Variants in SOS1 observed in about 807,000 individuals in gnomAD.
SOS1 encodes the protein SOS Ras/Rac guanine nucleotide exchange factor 1, also known as son of sevenless homolog 1.
In SOS1, 25 loss-of-function variants were observed where a neutral mutation model predicts 157.6. The ratio of observed to expected loss-of-function variants is 0.16; its 90% CI spans 0.12 to 0.22. The LOEUF (loss-of-function observed/expected upper bound fraction) is 0.22, where lower values mean the gene tolerates loss of function less well. SOS1 is among the 10% of genes least tolerant of loss of function. SOS1 has a pLI of 1.00. For missense variants in SOS1, 1,237 were observed against 1,599.1 expected, an observed-to-expected ratio of 0.77 and a Z score of 3.86; for synonymous variants, 528 against 534.0, an observed-to-expected ratio of 0.99 and a Z score of 0.16.
At chr2:39,081,907 C>T (rs972603302) in intron 1 of SOS1, among the ~76,000 whole-genome samples, 12 of 151,650 alleles carry the variant, frequency 7.9e-5, no homozygotes, top group African/African-American at 2.2e-4. Context: ...TTTGGTAAAA[C>T]CAATTTTTAA....
Position 39,007,291 on chromosome 2 carries a change from G to C in SOS1, c.2511-98C>G, listed in dbSNP as rs41280637. ...AAATAAAATAATGTAGAGAGTAGGGGGGTGGCGATAGTATAACTACTATAG... is the reference window on the plus strand; with the variant it reads ...AAATAAAATAATGTAGAGAGTAGGGCGGTGGCGATAGTATAACTACTATAG... On this transcript the variant is annotated intron_variant, in intron 15 of 22. Coordinates refer to ENST00000402219, the MANE Select transcript of SOS1 (RefSeq NM_005633.4). 0.018 allele frequency: 14,880 copies of C among 810,916 alleles called. 206 individuals are homozygous for C. Among genetic ancestry groups the C allele is most frequent in the Middle Eastern group, 0.032 (92 of 2,882 alleles). The allele number at this position is 810,916 out of a possible 1,614,324, so 50.2% of individuals were successfully genotyped here. A position where few individuals can be genotyped will look rare whatever the true frequency, so the allele number is the denominator to read the frequency against.
chr2:39,033,184 C>A (rs1006301241), intron 8 of SOS1, among the ~76,000 whole-genome samples: 20 of 145,582 alleles, frequency 1.4e-4, no homozygotes, highest in Non-Finnish European at 2.4e-4. Context: ...GATTCTCCTG[C>A]CTCAGCTTCC....
At chr2:39,122,537 G>A (rs1295054136), upstream of SOS1, among the ~76,000 whole-genome samples, 1 of 152,044 alleles carries the variant, frequency 6.6e-6, no homozygotes, top group African/African-American at 2.4e-5. Flanking sequence ...GGGAGGCCGA[G>A]GTGGGCGGAC....
chr2:39,080,871 G>C (rs1171056633), intron 1 of SOS1, among the ~76,000 whole-genome samples: 1 of 152,068 alleles, frequency 6.6e-6, no homozygotes, highest in East Asian at 1.9e-4. Context: ...TGATAGGCTA[G>C]CTAAAATACA....
chr2:39,043,873 G>A (rs1670661759), intron 6 of SOS1, among the ~76,000 whole-genome samples: 2 of 152,088 alleles, frequency 1.3e-5, no homozygotes, highest in African/African-American at 4.8e-5. Context: ...TAAAATATGG[G>A]GACACATTGA....
chr2:39,054,890 G>A, intron 4 of SOS1, 67 bp from the exon 5 acceptor site: 1 of 863,824 alleles, frequency 1.2e-6, no homozygotes, highest in Non-Finnish European at 1.9e-6. Flanking sequence ...GATGTGAAAT[G>A]CTCTAAGTTC....
intron 2 of SOS1, among the ~76,000 whole-genome samples, chr2:39,066,875 C>T (rs1377862): frequency 0.47 from 71,861 of 151,940 alleles, 19,122 homozygotes; most frequent in East Asian, 0.67. Flanking sequence ...TGGACATATG[C>T]CACTCCTAAA....
intron 17 of SOS1, among the ~76,000 whole-genome samples, chr2:39,003,514 A>G (rs957580823): frequency 1.3e-5 from 2 of 152,234 alleles, no homozygotes; most frequent in African/African-American, 2.4e-5. Flanking sequence ...GAGACACTGT[A>G]TCATATTTTG....
chr2:39,067,540 G>T (rs753336657), intron 2 of SOS1, 88 bp downstream of exon 2: 3 of 1,182,468 alleles, frequency 2.5e-6, no homozygotes, highest in East Asian at 2.4e-5. Context: ...CATATATATA[G>T]AGAGAGCAAA....
At chr2:39,031,207 C>A (rs1399642102) in intron 8 of SOS1, among the ~76,000 whole-genome samples, 1 of 152,130 alleles carries the variant, frequency 6.6e-6, no homozygotes, top group Non-Finnish European at 1.5e-5. Context: ...AGACTTCAAC[C>A]TGAATTTTAA....
chr2:38,995,498 CT>C, intron 19 of SOS1, 111 bp from the exon 20 acceptor site: 1 of 795,530 alleles, frequency 1.3e-6, no homozygotes, highest in South Asian at 1.5e-5. Context: ...TCATAAATCA[CT>C]AATAAGGACA....
chr2:39,074,217 G>A (rs1446653928), intron 1 of SOS1, among the ~76,000 whole-genome samples: 1 of 152,102 alleles, frequency 6.6e-6, no homozygotes, highest in Admixed American at 6.5e-5. Context: ...AGGTGCGGTG[G>A]TGCCCACCTA....
At chr2:39,068,647 G>A (rs368145215) in intron 1 of SOS1, among the ~76,000 whole-genome samples, 2 of 151,702 alleles carry the variant, frequency 1.3e-5, no homozygotes, top group East Asian at 1.9e-4. Flanking sequence ...CAGGAATATT[G>A]GTGGCCTAAA....
At chr2:39,008,972 A>AG (rs1669372201) in intron 15 of SOS1, among the ~76,000 whole-genome samples, 1 of 95,806 alleles carries the variant, frequency 1.0e-5, no homozygotes, top group African/African-American at 4.0e-5. Context: ...GGTGGGGCGG[A>AG]GGGGGTGGAA....
rs149514835 is a variant in SOS1, at chr2:38,990,331, T to TA, written c.3347-1018dup. Among the ~76,000 whole-genome samples, 826 of 152,256 alleles carry TA rather than the reference T, an allele frequency of 5.4e-3. 7 individuals are homozygous for TA. The highest frequency in any genetic ancestry group is 0.018 in the African/African-American group (769 of 41,574). On this transcript the variant is annotated intron_variant, in intron 20 of 22. Transcript: ENST00000402219. ...ATTATCTGATTTCCGTATGTACTGA[T>TA]ATTTATTTGGAACCTATGATTCCTA...
intron 6 of SOS1, among the ~76,000 whole-genome samples, chr2:39,039,044 G>T (rs1367251995): frequency 6.6e-6 from 1 of 152,130 alleles, no homozygotes; most frequent in African/African-American, 2.4e-5. Context: ...ATCAAGGCAA[G>T]ACCCTTCACC....
At chr2:38,990,377 T>G (rs1418116367) in intron 20 of SOS1, among the ~76,000 whole-genome samples, 1 of 152,094 alleles carries the variant, frequency 6.6e-6, no homozygotes, top group African/African-American at 2.4e-5. Flanking sequence ...TCCAGCTAAT[T>G]CTAATATTAC....
At chr2:39,040,007 ATTTT>A (rs938165848) in intron 6 of SOS1, among the ~76,000 whole-genome samples, 1 of 151,396 alleles carries the variant, frequency 6.6e-6, no homozygotes, top group Non-Finnish European at 1.5e-5. Flanking sequence ...ACCCCCTTTT[ATTTT>A]TTTATTTTTT....
chr2:39,106,781 C>G (rs1405107951), intron 1 of SOS1, among the ~76,000 whole-genome samples: 2 of 152,116 alleles, frequency 1.3e-5, no homozygotes, highest in African/African-American at 4.8e-5. Flanking sequence ...CCCAGACTAG[C>G]AAGGAAAACC....
Sources: gnomAD v4.1 joint callset for allele counts (sites outside exome capture counted in the v4.1 genomes callset) on GRCh38, gnomAD v4.1.1 for gene constraint, MANE v1.5 for transcripts, NCBI Gene and HGNC (gene_info 2026-07-23, HGNC 2026-07-21) for gene names.